RECQL4: variants seen among roughly 807,000 people sequenced by gnomAD.
RECQL4 encodes the protein ATP-dependent DNA helicase Q4.
RECQL4 carries 158 observed loss-of-function variants against 128.6 expected under a neutral mutation model. The ratio of observed to expected loss-of-function variants is 1.23; its 90% CI spans 1.08 to 1.40. RECQL4 has a LOEUF of 1.40. RECQL4 is among the 40% of genes most tolerant of loss of function. The pLI, the probability that RECQL4 is intolerant of heterozygous loss-of-function variation, is 0.00. For synonymous variants in RECQL4, 996 were observed against 678.9 expected (o/e 1.47, Z -7.26); for missense variants, 2,293 against 1,649.8 (o/e 1.39, Z -6.75).
At position 144,511,516 on chromosome 8, in the gene RECQL4, C is replaced by G. The variant is rs370069034; in HGVS notation, c.3542G>C (p.Arg1181Pro). 1.2e-6 allele frequency: 2 copies of G among 1,612,456 alleles called. No individual in the cohort carries two copies. The highest frequency in any genetic ancestry group is 2.2e-5 in the East Asian group (1 of 44,896). Reference sequence around the variant, plus strand: ...GTGCAGGTATTTTCTCCAGAAGCGTCGGTCCTGCCCGTACACCTGGGCCGG... The same window carrying G: ...GTGCAGGTATTTTCTCCAGAAGCGTGGGTCCTGCCCGTACACCTGGGCCGG... ...CYPAQVYGQD[R>P]RFWRKYLHLS... The change falls in exon 21 of 21, where the codon CGA becomes CCA. Residue 1181 changes from arginine (R) to proline (P), a missense_variant. By Grantham distance (103) the Arg-to-Pro change is moderately radical. Transcript: ENST00000617875.
rs371972881 is a variant in RECQL4, at chr8:144,514,499, C to G, written c.1647G>C (p.Lys549Asn). 13 of 1,612,144 alleles carry G rather than the reference C, an allele frequency of 8.1e-6. No individual in the cohort carries two copies. The highest frequency in any genetic ancestry group is 1.0e-5 in the Non-Finnish European group (12 of 1,179,584). Residue 549 changes from lysine (K) to asparagine (N), a missense_variant, in exon 10 of 21, where the codon AAG becomes AAC. Transcript: ENST00000617875. ...TCATGCCCGAGTGTATGCAGGCCGC[C>G]TTGAGACACGGTGGCAGGCCAGACA... is the stretch of plus-strand genomic sequence containing the variant. ...DQVSGLPPCL[K>N]AACIHSGMTR... is the part of the protein sequence containing the mutation.
In RECQL4 at chr8:144,516,421, C is replaced by T. The variant is rs2130724078; in HGVS notation, c.698G>A (p.Gly233Asp). Reference sequence around the variant, plus strand: ...GGCTGAAGCCTCTGGGCCCTGGGAGCCAGCACCAGGACCAAGGACAGCCGA... The same window carrying T: ...GGCTGAAGCCTCTGGGCCCTGGGAGTCAGCACCAGGACCAAGGACAGCCGA... ...GESAVLGPGA[G>D]SQGPEASAFQ... Residue 233 changes from glycine (G) to aspartate (D), a missense_variant, in exon 5 of 21, where the codon GGC becomes GAC. Coordinates refer to ENST00000617875, the MANE Select transcript of RECQL4 (RefSeq NM_004260.4). 1 of 1,609,212 alleles carries T rather than the reference C, an allele frequency of 6.2e-7. No homozygotes were observed. The highest frequency in any genetic ancestry group is 8.5e-7 in the Non-Finnish European group (1 of 1,179,656).
In RECQL4 at chr8:144,512,178, C is replaced by T. The variant is rs1827358772; in HGVS notation, c.3202G>A (p.Ala1068Thr). 3 of 1,611,512 alleles carry T rather than the reference C, an allele frequency of 1.9e-6. No individual in the cohort carries two copies. The highest frequency in any genetic ancestry group is 2.2e-5 in the East Asian group (1 of 44,858). Residue 1068 changes from alanine to threonine, a missense_variant, in exon 18 of 21, where the codon GCC (alanine) becomes ACC (threonine). Ala to Thr is a moderately conservative substitution (Grantham distance 58). Coordinates refer to ENST00000617875, the MANE Select transcript of RECQL4 (RefSeq NM_004260.4). The part of the protein sequence containing the change: ...RVQARERQAL[A>T]RLRRTFQAFH... ...GCCTGGAAGGTTCTGCGCAGACGGGCCAGGGCCTGGCGCTCCCGGGCCTGC... is the reference window on the plus strand; with the variant it reads ...GCCTGGAAGGTTCTGCGCAGACGGGTCAGGGCCTGGCGCTCCCGGGCCTGC...
chr8:144,512,808 G>A (rs2130668497), intron 15 of RECQL4, 37 bp from the exon 16 acceptor site: 10 of 1,609,870 alleles, frequency 6.2e-6, no homozygotes, highest in Non-Finnish European at 7.6e-6. Flanking sequence ...CGCGGGGACA[G>A]CCCCTCCACA....
In RECQL4 at chr8:144,511,546, C is replaced by T. The variant is rs748529710; in HGVS notation, c.3512G>A (p.Cys1171Tyr). The T allele has an allele frequency of 8.7e-6, 14 of 1,612,130 alleles. No individual in the cohort carries two copies. In the African/African-American group the frequency reaches 1.1e-4, roughly 12 times the overall value. Residue 1171 changes from cysteine to tyrosine, a missense_variant, in exon 21 of 21, where the codon TGC becomes TAC. Physicochemically the swap from Cys to Tyr is radical, Grantham distance 194. Coordinates refer to ENST00000617875, the MANE Select transcript of RECQL4 (RefSeq NM_004260.4). ...ARIFHGIGSP[C>Y]YPAQVYGQDR... ...CTGCCCGTACACCTGGGCCGGGTAG[C>T]AGGGGCTTCCTACGGTGGAGCCAAG... is the stretch of plus-strand genomic sequence containing the variant.
Position 144,516,624 on chromosome 8 carries a change from G to C in RECQL4, c.495C>G (p.Pro165=), listed in dbSNP as rs1361421482. 4.2e-5 allele frequency: 68 copies of C among 1,610,522 alleles called. No individual in the cohort carries two copies. The highest frequency in any genetic ancestry group is 5.3e-5 in the Non-Finnish European group (63 of 1,178,900). The change falls in exon 5 of 21, where the codon CCC becomes CCG. Residue 165 remains proline (P), a synonymous_variant. Transcript: ENST00000617875. ...GCTGGAGCCGGCCTGGCCTTGGCTG[G>C]GGCTCAGGGAGCTGTGGAGGCTCAT... ...VSDEPPQLPE[P]QPRPGRLQHL...
intron 15 of RECQL4, 38 bp from the exon 16 acceptor site, chr8:144,512,809 C>G (rs750985011): frequency 6.2e-7 from 1 of 1,608,968 alleles, no homozygotes; most frequent in East Asian, 2.2e-5. Flanking sequence ...GCGGGGACAG[C>G]CCCTCCACAC....
At position 144,517,107 on chromosome 8, in the gene RECQL4, C is replaced by G; in HGVS notation, c.297G>C (p.Gln99His). The G allele has an allele frequency of 1.2e-6, 2 of 1,612,418 alleles. No homozygotes were observed. Among genetic ancestry groups the G allele is most frequent in the Non-Finnish European group, 1.7e-6 (2 of 1,179,736 alleles). ...SPQSTPGRSRQGSVPDYGQRL... is the reference protein window; with the variant it reads ...SPQSTPGRSRHGSVPDYGQRL... ...GCTGCCCGTAGTCCGGCACCGAGCC[C>G]TGGCGGCTCCGCCCTGGCGTAGACT... The change falls in exon 4 of 21, where the codon CAG (glutamine) becomes CAC (histidine). Residue 99 changes from glutamine (Q) to histidine (H), a missense_variant. By Grantham distance (24) the Gln-to-His change is conservative. Coordinates refer to ENST00000617875, the MANE Select transcript of RECQL4 (RefSeq NM_004260.4).
At position 144,513,578 on chromosome 8, in the gene RECQL4, C is replaced by T. The variant is rs1586804442; in HGVS notation, c.2193G>A (p.Gly731=). The change falls in exon 13 of 21, where the codon GGG becomes GGA. Residue 731 remains glycine, a synonymous_variant. Coordinates refer to ENST00000617875, the MANE Select transcript of RECQL4 (RefSeq NM_004260.4). ...GCTCTGTCCATGCCGCACCTCCAGA[C>T]CCTGGGACCCAGGCTGCGTGCAGGC... is the stretch of plus-strand genomic sequence containing the variant. ...RTCLHAAWVP[G]SGGRAPKTTA... is the part of the protein sequence containing the mutation. 6.8e-6 allele frequency: 11 copies of T among 1,610,674 alleles called. No homozygotes were observed. The highest frequency in any genetic ancestry group is 9.3e-6 in the Non-Finnish European group (11 of 1,179,108).
chr8:144,512,920 T>C lies in RECQL4; in HGVS notation c.2682A>G (p.Arg894=). 1 of 1,584,222 alleles carries C rather than the reference T, an allele frequency of 6.3e-7. No homozygotes were observed. Among genetic ancestry groups the C allele is most frequent in the Non-Finnish European group, 8.6e-7 (1 of 1,165,474 alleles). The change falls in exon 15 of 21, where the codon AGA becomes AGG. Residue 894 remains arginine (R), a synonymous_variant. Coordinates refer to ENST00000617875, the MANE Select transcript of RECQL4 (RefSeq NM_004260.4). ...CCCGCTCATGGCCCATGCAGACCCT[T>C]CTGGGTCCTGGGGCTGCTTGGTGGC... The part of the protein sequence containing the change: ...QLSHQAAPGP[R]RVCMGHERAL...
chr8:144,515,273 T>C (rs781581107), intron 7 of RECQL4, 31 bp from the exon 8 acceptor site: 5 of 1,608,894 alleles, frequency 3.1e-6, no homozygotes, highest in Non-Finnish European at 4.2e-6. Flanking sequence ...CACCATGACT[T>C]GAGTCACCCC....
At chr8:144,516,851 A>G (rs985421739) in intron 4 of RECQL4, 87 bp from the exon 5 acceptor site, 1 of 1,408,286 alleles carries the variant, frequency 7.1e-7, no homozygotes, top group African/African-American at 1.4e-5. Flanking sequence ...CCCACGCTCA[A>G]TTGTAGAGCA....
At position 144,513,266 on chromosome 8, in the gene RECQL4, G is replaced by A. The variant is rs34735741; in HGVS notation, c.2415C>T (p.Ala805=). 1,832 of 1,593,724 alleles carry A rather than the reference G, an allele frequency of 1.1e-3. 24 individuals are homozygous for A. In the African/African-American group the frequency reaches 0.019, roughly 17 times the overall value. ...FESYVQAVGR[A]GRDGQPAHCH... ...AGTGGGCAGGCTGCCCGTCACGCCC[G>A]GCCCGGCCCACGGCCTGCACGTAGC... Residue 805 remains alanine, a synonymous_variant, in exon 14 of 21, where the codon GCC becomes GCT. Transcript: ENST00000617875.
Position 144,516,200 on chromosome 8 carries a change from G to T in RECQL4, c.919C>A (p.Pro307Thr). The change falls in exon 5 of 21, where the codon CCA (proline) becomes ACA (threonine). Residue 307 changes from proline to threonine, a missense_variant. Physicochemically the swap from Pro to Thr is conservative, Grantham distance 38. Transcript: ENST00000617875. ...GATGGGCTGCTGCAGGGCTGAGGTG[G>T]CTGTGCCTGTACAGGTTCCCCTGGA... Reference protein sequence around the residue: ...DPPGEPVQAQPPQPCSSPSNP... With the variant: ...DPPGEPVQAQTPQPCSSPSNP... 6.2e-7 allele frequency: 1 copy of T among 1,613,332 alleles called. No individual in the cohort carries two copies. The highest frequency in any genetic ancestry group is 1.1e-5 in the South Asian group (1 of 91,086).
At position 144,513,048 on chromosome 8, in the gene RECQL4, C is replaced by G; in HGVS notation, c.2554G>C (p.Ala852Pro). 3 of 1,575,338 alleles carry G rather than the reference C, an allele frequency of 1.9e-6. No homozygotes were observed. The East Asian group carries it at 7.0e-5, about 37-fold the overall frequency. Reference protein sequence around the residue: ...VKRLVQRVFPACTCTCTRPPS... With the variant: ...VKRLVQRVFPPCTCTCTRPPS... ...GGCCTGGTGCAGGTGCAGGTGCAGG[C>G]TGGGAACACGCGCTGTACCAGCCTC... Residue 852 changes from alanine to proline, a missense_variant, in exon 15 of 21, where the codon GCC becomes CCC. By Grantham distance (27) the Ala-to-Pro change is conservative. Transcript: ENST00000617875.
At position 144,513,198 on chromosome 8, in the gene RECQL4, T is replaced by TG. The variant is rs71320828; in HGVS notation, c.2463+19dup. 0.013 allele frequency: 17,643 copies of TG among 1,397,670 alleles called. 234 individuals carry two copies. The highest frequency in any genetic ancestry group is 0.1 in the African/African-American group (5,866 of 56,510). 86.6% of individuals were successfully genotyped at this position (1,397,670 alleles called of 1,614,324 possible). A position where few individuals can be genotyped will look rare whatever the true frequency, so the allele number is the denominator to read the frequency against. ...ACTGGGGGCTCGAGCACTGGCAGTG[T>TG]GGGGGGGGGGGGTGCCAACCTGGGG... On this transcript the variant is annotated intron_variant, in intron 14 of 20. Coordinates refer to ENST00000617875, the MANE Select transcript of RECQL4 (RefSeq NM_004260.4).
rs983783162 is a variant in RECQL4 at position 144,517,685 on chromosome 8, C to T, written c.84+16G>A. The T allele has an allele frequency of 7.0e-7, 1 of 1,429,054 alleles. No homozygotes were observed. The highest frequency in any genetic ancestry group is 9.1e-7 in the Non-Finnish European group (1 of 1,095,838). The allele number at this position is 1,429,054 out of a possible 1,614,324, so 88.5% of individuals were successfully genotyped here. ...GGGCCGCGCCCTCAGCCCCTCGGCC[C>T]CTGGGCAGCCCGCACCTGGCTCGGT... is the stretch of plus-strand genomic sequence containing the variant. On this transcript the variant is annotated intron_variant, in intron 1 of 20. Coordinates refer to ENST00000617875, the MANE Select transcript of RECQL4 (RefSeq NM_004260.4).
At position 144,514,526 on chromosome 8, in the gene RECQL4, C is replaced by G; in HGVS notation, c.1621-1G>C. ...TGAGACACGGTGGCAGGCCAGACAC[C>G]TGCAAATGCAGGAGCGACAGCCGTC... is the stretch of plus-strand genomic sequence containing the variant. On this transcript the variant is annotated splice_acceptor_variant, in intron 9 of 20. Transcript: ENST00000617875. LOFTEE classifies it high-confidence loss of function. 1.2e-6 allele frequency: 2 copies of G among 1,611,064 alleles called. No individual in the cohort carries two copies. Among genetic ancestry groups the G allele is most frequent in the Non-Finnish European group, 1.7e-6 (2 of 1,179,166 alleles).
chr8:144,512,770 G>A lies in RECQL4; in HGVS notation c.2757C>T (p.Ala919=), dbSNP rs374692233. The change falls in exon 16 of 21, where the codon GCC becomes GCT. Residue 919 remains alanine (A), a splice_region_variant and synonymous_variant. Coordinates refer to ENST00000617875, the MANE Select transcript of RECQL4 (RefSeq NM_004260.4). ...TVQALDMPEE[A]IETLLCYLEL... is the part of the protein sequence containing the mutation. ...CCAGGTAGCACAGCAAAGTCTCGAT[G>A]GCTGGGGGCAGAGCAGGGCTCAGCG... is the stretch of plus-strand genomic sequence containing the variant. 1.7e-5 allele frequency: 28 copies of A among 1,611,660 alleles called. 1 individual carries two copies. In the African/African-American group the frequency reaches 3.7e-4, roughly 22 times the overall value.
Sources: gnomAD v4.1 joint callset for allele counts on GRCh38, gnomAD v4.1.1 for gene constraint, MANE v1.5 for transcripts, NCBI Gene and HGNC (gene_info 2026-07-23, HGNC 2026-07-21) for gene names.